GPC5: variants seen among roughly 807,000 people sequenced by gnomAD.
The protein encoded by GPC5 is glypican 5.
A neutral mutation model predicts 53.9 loss-of-function variants in GPC5; 47 were observed. The observed-to-expected ratio is 0.87, with a 90% CI of 0.69 to 1.11. The LOEUF (loss-of-function observed/expected upper bound fraction) is 1.11. Among genes scored for constraint, GPC5 ranks in the 50% most tolerant of loss-of-function variants. The probability of loss-of-function intolerance (pLI) is 0.00; values close to 1 mark genes in which losing one functional copy is unlikely to be tolerated. For missense variants in GPC5, 748 were observed against 713.1 expected (o/e 1.05, Z -0.56); for synonymous variants, 286 against 263.3 (o/e 1.09, Z -0.84).
Position 92,677,693 on chromosome 13 carries a change from T to C in GPC5, c.1562-188589T>C, listed in dbSNP as rs529433679. Among the ~76,000 whole-genome samples, 18 of 152,264 alleles carry C rather than the reference T, an allele frequency of 1.2e-4. No homozygotes were observed. In the South Asian group the frequency reaches 3.7e-3, roughly 32 times the overall value. Reference sequence around the variant, plus strand: ...AGACGTGCAGAGGCAAAAGTAGTCATGGTCTGCGTCCTGGCTCAGGAGGAC... The same window carrying C: ...AGACGTGCAGAGGCAAAAGTAGTCACGGTCTGCGTCCTGGCTCAGGAGGAC... On this transcript the variant is annotated intron_variant, in intron 7 of 7. Coordinates refer to ENST00000377067, the MANE Select transcript of GPC5 (RefSeq NM_004466.6).
At chr13:91,873,595 A>G (rs1211227042) in intron 5 of GPC5, among the ~76,000 whole-genome samples, 1 of 152,104 alleles carries the variant, frequency 6.6e-6, no homozygotes, top group Non-Finnish European at 1.5e-5. Flanking sequence ...ACCTTCCCCC[A>G]TGAGTGTGAG....
At chr13:92,168,203 A>T (rs2042045080) in intron 7 of GPC5, among the ~76,000 whole-genome samples, 2 of 152,212 alleles carry the variant, frequency 1.3e-5, no homozygotes, top group Admixed American at 6.5e-5. Flanking sequence ...TGGATTAAAG[A>T]CATAAATGTA....
At chr13:91,571,838 C>CACACA (rs377443060) in intron 2 of GPC5, among the ~76,000 whole-genome samples, 1 of 61,624 alleles carries the variant, frequency 1.6e-5, no homozygotes, top group Non-Finnish European at 2.7e-5. Flanking sequence ...TACACATATA[C>CACACA]TTGTGTGTAT....
intron 5 of GPC5, among the ~76,000 whole-genome samples, chr13:91,776,558 A>G (rs1320939994): frequency 1.3e-5 from 2 of 152,190 alleles, no homozygotes; most frequent in Non-Finnish European, 2.9e-5. Flanking sequence ...ATAAAAAACT[A>G]AAGATTGGAG....
intron 7 of GPC5, among the ~76,000 whole-genome samples, chr13:92,843,470 T>C (rs1453600856): frequency 2.0e-5 from 3 of 152,116 alleles, no homozygotes; most frequent in East Asian, 3.9e-4. Flanking sequence ...ATAAACTACA[T>C]GGTTGAATTT....
chr13:92,822,630 G>A (rs1453028582), intron 7 of GPC5, among the ~76,000 whole-genome samples: 3 of 152,134 alleles, frequency 2.0e-5, no homozygotes, highest in Non-Finnish European at 4.4e-5. Flanking sequence ...ATCTTTAAGA[G>A]GGTGGACATA....
intron 6 of GPC5, among the ~76,000 whole-genome samples, chr13:92,034,050 G>A (rs981108432): frequency 3.9e-5 from 6 of 152,088 alleles, no homozygotes; most frequent in Non-Finnish European, 8.8e-5. Flanking sequence ...GCAAAGAAAA[G>A]GAAAGAGTGA....
chr13:92,769,988 C>T (rs879158147), intron 7 of GPC5, among the ~76,000 whole-genome samples: 10 of 152,180 alleles, frequency 6.6e-5, no homozygotes, highest in African/African-American at 1.9e-4. Flanking sequence ...ACTAAAATTC[C>T]CCATCAGTTG....
intron 5 of GPC5, among the ~76,000 whole-genome samples, chr13:91,771,811 T>C (rs765948128): frequency 9.9e-5 from 15 of 152,206 alleles, no homozygotes; most frequent in Non-Finnish European, 1.8e-4. Flanking sequence ...CAGAAAGATA[T>C]GATATCTTAC....
intron 5 of GPC5, among the ~76,000 whole-genome samples, chr13:91,796,389 G>A (rs1184204912): frequency 6.6e-5 from 10 of 152,280 alleles, no homozygotes; most frequent in East Asian, 1.9e-4. Context: ...GGTGGACAGC[G>A]AGCCAAAGCT....
intron 1 of GPC5, among the ~76,000 whole-genome samples, chr13:91,410,259 A>G (rs1212157864): frequency 6.6e-6 from 1 of 152,148 alleles, no homozygotes; most frequent in Non-Finnish European, 1.5e-5. Flanking sequence ...CTATTACAAA[A>G]TGTTCTTAGA....
intron 7 of GPC5, among the ~76,000 whole-genome samples, chr13:92,796,916 C>A (rs535904254): frequency 1.8e-4 from 28 of 152,040 alleles, no homozygotes; most frequent in African/African-American, 6.3e-4. Flanking sequence ...TAAAACATTT[C>A]TATTTTTGAA....
At chr13:91,563,930 A>T (rs1376754010) in intron 2 of GPC5, among the ~76,000 whole-genome samples, 3 of 151,880 alleles carry the variant, frequency 2.0e-5, no homozygotes, top group Non-Finnish European at 4.4e-5. Flanking sequence ...TTCTCTCATC[A>T]TGACTCCTGC....
chr13:91,626,438 AG>A (rs1175755873), intron 2 of GPC5, among the ~76,000 whole-genome samples: 1 of 152,040 alleles, frequency 6.6e-6, no homozygotes, highest in Non-Finnish European at 1.5e-5. Context: ...ACCTGCCTAG[AG>A]GGTTTCTTGT....
At chr13:91,484,450 T>C (rs1322520752) in intron 2 of GPC5, among the ~76,000 whole-genome samples, 3 of 152,214 alleles carry the variant, frequency 2.0e-5, no homozygotes, top group African/African-American at 7.2e-5. Context: ...TTAAAATGAA[T>C]GTGAAGCACT....
At chr13:91,592,650 A>G (rs2032844196) in intron 2 of GPC5, among the ~76,000 whole-genome samples, 1 of 152,198 alleles carries the variant, frequency 6.6e-6, no homozygotes, top group Non-Finnish European at 1.5e-5. Context: ...TGTGTGCTCC[A>G]GCCCTGGGTG....
At chr13:91,761,733 A>T (rs1473121108) in intron 5 of GPC5, among the ~76,000 whole-genome samples, 1 of 152,152 alleles carries the variant, frequency 6.6e-6, no homozygotes, top group Admixed American at 6.6e-5. Context: ...GCTGCCCTCT[A>T]GGAACTTCTT....
intron 7 of GPC5, among the ~76,000 whole-genome samples, chr13:92,845,211 T>C (rs1283930769): frequency 5.3e-5 from 8 of 152,134 alleles, no homozygotes; most frequent in Non-Finnish European, 8.8e-5. Flanking sequence ...CACGATCCCT[T>C]TGATGAGCTT....
intron 5 of GPC5, among the ~76,000 whole-genome samples, chr13:91,783,235 CA>C (rs1301110324): frequency 1.5e-4 from 23 of 151,778 alleles, no homozygotes; most frequent in African/African-American, 4.6e-4. Context: ...GCCTCGGCAG[CA>C]AGAGTGAAAC....
Sources: allele counts gnomAD v4.1 joint callset (sites outside exome capture counted in the v4.1 genomes callset), GRCh38; gene constraint gnomAD v4.1.1; transcripts MANE v1.5; gene names NCBI Gene and HGNC (gene_info 2026-07-23, HGNC 2026-07-21).